The following STARD13 variants were observed in gnomAD, a reference collection of about 807,000 sequenced individuals.
STARD13 encodes the protein StAR related lipid transfer domain containing 13.
STARD13 carries 62 observed loss-of-function variants against 106.4 expected under a neutral mutation model. The observed-to-expected ratio is 0.58, with a 90% CI of 0.48 to 0.72. The LOEUF is 0.72. Among genes scored for constraint, STARD13 ranks in the 30% least tolerant of loss-of-function variants. STARD13 has a pLI of 0.00. For missense variants in STARD13, 1,387 were observed against 1,424.0 expected (o/e 0.97, Z 0.42); for synonymous variants, 565 against 553.0 (o/e 1.02, Z -0.31).
rs371796155 is a variant in STARD13 at position 33,147,935 on chromosome 13, C to T, written c.324-5562G>A. Among the ~76,000 whole-genome samples the T allele has an allele frequency of 9.9e-5, 15 of 152,238 alleles. No homozygotes were observed. The East Asian group carries it at 1.7e-3, about 18-fold the overall frequency. ...GACTCGCACAAAGAGAGTCAACTTA[C>T]GTTTATAAAGGAGCAAAGGCAATAC... On this transcript the variant is annotated intron_variant, in intron 3 of 13. Coordinates refer to ENST00000336934, the MANE Select transcript of STARD13 (RefSeq NM_178006.4).
At chr13:33,565,259 T>A in the STARD13 span, among the ~76,000 whole-genome samples, 2 of 146,850 alleles carry the variant, frequency 1.4e-5, no homozygotes, top group South Asian at 4.3e-4. Flanking sequence ...GATTGATTGA[T>A]TAATGGGCAC....
At chr13:33,273,818 G>A (rs1268895238) in intron 1 of STARD13, 1 of 152,136 alleles carries the variant, frequency 6.6e-6, no homozygotes, top group Non-Finnish European at 1.5e-5. Context: ...AACTGGAAAG[G>A]TTTACAAAAT....
chr13:33,601,037 G>A, the STARD13 span, among the ~76,000 whole-genome samples: 2 of 152,078 alleles, frequency 1.3e-5, no homozygotes, highest in Non-Finnish European at 1.5e-5. Context: ...CATTAACATG[G>A]GAATTCTACT....
At chr13:33,294,737 C>T (rs1892422680) in intron 1 of STARD13, among the ~76,000 whole-genome samples, 1 of 152,126 alleles carries the variant, frequency 6.6e-6, no homozygotes, top group African/African-American at 2.4e-5. Flanking sequence ...AATTTGTCTG[C>T]ACTTAGAGGA....
chr13:33,454,006 T>TTG, the STARD13 span, among the ~76,000 whole-genome samples: 3 of 152,098 alleles, frequency 2.0e-5, no homozygotes, highest in African/African-American at 7.2e-5. Context: ...AAGATGATTT[T>TTG]TGTGTGTGTG....
chr13:33,358,311 C>T, the STARD13 span, among the ~76,000 whole-genome samples: 2 of 152,224 alleles, frequency 1.3e-5, no homozygotes, highest in Non-Finnish European at 2.9e-5. Context: ...AGGAGCACCA[C>T]CCCCTGCTCC....
chr13:33,480,430 T>A, the STARD13 span, among the ~76,000 whole-genome samples: 1 of 152,196 alleles, frequency 6.6e-6, no homozygotes, highest in Non-Finnish European at 1.5e-5. Flanking sequence ...AAAATGAATA[T>A]TAAGTGTTTC....
At chr13:33,645,305 C>T in the STARD13 span, among the ~76,000 whole-genome samples, 2,386 of 152,260 alleles carry the variant, frequency 0.016, 49 homozygotes, top group South Asian at 0.048. Context: ...GAGAGAAAGG[C>T]CTCACTAACA....
At chr13:33,260,013 A>AT (rs1167890855) in intron 1 of STARD13, among the ~76,000 whole-genome samples, 2 of 152,016 alleles carry the variant, frequency 1.3e-5, no homozygotes, top group African/African-American at 4.8e-5. Context: ...AAAAAAAAAA[A>AT]AAAAAATTAG....
intron 1 of STARD13, among the ~76,000 whole-genome samples, chr13:33,245,471 C>A (rs1306316543): frequency 1.3e-5 from 2 of 152,122 alleles, no homozygotes; most frequent in African/African-American, 4.8e-5. Context: ...TCTGTGGGTA[C>A]CCTAAGGTGA....
intron 7 of STARD13, among the ~76,000 whole-genome samples, chr13:33,120,535 C>T (rs1488765599): frequency 6.6e-6 from 1 of 152,138 alleles, no homozygotes; most frequent in African/African-American, 2.4e-5. Context: ...CTGCCCTGGC[C>T]TTGTCTTCTA....
At chr13:33,333,671 C>A (rs2077862590) in intron 1 of STARD13, 1 of 152,348 alleles carries the variant, frequency 6.6e-6, no homozygotes, top group South Asian at 2.1e-4. Context: ...AAGTCAATGC[C>A]TTTCATGTCC....
chr13:33,447,506 T>C, the STARD13 span, among the ~76,000 whole-genome samples: 1 of 152,190 alleles, frequency 6.6e-6, no homozygotes, highest in Non-Finnish European at 1.5e-5. Flanking sequence ...AACTTGGACA[T>C]TAGACTTGAG....
At chr13:33,353,776 AC>A (rs1404632401), upstream of STARD13, among the ~76,000 whole-genome samples, 1 of 152,066 alleles carries the variant, frequency 6.6e-6, no homozygotes, top group African/African-American at 2.4e-5. Flanking sequence ...GCTCCTTCTC[AC>A]GGCATCCAGT....
At chr13:33,119,926 C>G (rs1876007685) in intron 7 of STARD13, among the ~76,000 whole-genome samples, 1 of 152,206 alleles carries the variant, frequency 6.6e-6, no homozygotes, top group Non-Finnish European at 1.5e-5. Flanking sequence ...AAAGCATGTA[C>G]TGTCAAAAGA....
chr13:33,590,446 A>G, the STARD13 span, among the ~76,000 whole-genome samples: 1 of 151,964 alleles, frequency 6.6e-6, no homozygotes, highest in African/African-American at 2.4e-5. Flanking sequence ...CTTGGAACCA[A>G]CCCAAATGTC....
chr13:33,214,692 G>GCA (rs1440199937), intron 1 of STARD13, among the ~76,000 whole-genome samples: 1 of 103,236 alleles, frequency 9.7e-6, no homozygotes, highest in African/African-American at 4.4e-5. Context: ...ACACACACAT[G>GCA]CACACATACA....
chr13:33,371,575 C>T, the STARD13 span, among the ~76,000 whole-genome samples: 179 of 152,250 alleles, frequency 1.2e-3, no homozygotes, highest in African/African-American at 3.5e-3. Flanking sequence ...GAAGGTGATG[C>T]GCAATAGTAA....
chr13:33,344,924 T>G (rs1170398960), downstream of STARD13, among the ~76,000 whole-genome samples: 2 of 152,224 alleles, frequency 1.3e-5, no homozygotes, highest in African/African-American at 2.4e-5. Context: ...TTGAATGTTC[T>G]TAGACTTTAA....
Sources: allele counts gnomAD v4.1 joint callset (sites outside exome capture counted in the v4.1 genomes callset), GRCh38; gene constraint gnomAD v4.1.1; transcripts MANE v1.5; gene names NCBI Gene and HGNC (gene_info 2026-07-23, HGNC 2026-07-21).